The following TAFA2 variants were observed in gnomAD, a reference collection of about 807,000 sequenced individuals.
TAFA2 encodes the protein TAFA chemokine like family member 2.
A neutral mutation model predicts 18.8 loss-of-function variants in TAFA2; 7 were observed. The ratio of observed to expected loss-of-function variants is 0.37; its 90% CI spans 0.21 to 0.70. The LOEUF is 0.70. TAFA2 is among the 30% of genes least tolerant of loss of function. The probability of loss-of-function intolerance (pLI) is 0.53; values close to 1 mark genes in which losing one functional copy is unlikely to be tolerated. For missense variants in TAFA2, 122 were observed against 158.1 expected, an observed-to-expected ratio of 0.77 and a Z score of 1.23; for synonymous variants, 60 against 54.2, an observed-to-expected ratio of 1.11 and a Z score of -0.47.
intron 1 of TAFA2, among the ~76,000 whole-genome samples, chr12:61,910,260 C>T (rs887511063): frequency 6.6e-6 from 1 of 151,916 alleles, no homozygotes; most frequent in Non-Finnish European, 1.5e-5. Flanking sequence ...GAAGGAGATG[C>T]TCTCCCATGT....
Position 61,755,004 on chromosome 12 carries a change from T to C in TAFA2, c.127A>G (p.Thr43Ala). The C allele has an allele frequency of 6.2e-7, 1 of 1,612,790 alleles. No individual in the cohort carries two copies. Among genetic ancestry groups the C allele is most frequent in the Non-Finnish European group, 8.5e-7 (1 of 1,179,272 alleles). ...HHKAHHVKTG[T>A]CEVVALHRCC... ...CTGTGGAGTGCCACCACCTCACAAGTTCCCGTTTTAACATGGTGAGCTGCA... is the reference window on the plus strand; with the variant it reads ...CTGTGGAGTGCCACCACCTCACAAGCTCCCGTTTTAACATGGTGAGCTGCA... Residue 43 changes from threonine (T) to alanine (A), a missense_variant, in exon 3 of 5, where the codon ACT becomes GCT. Physicochemically the swap from Thr to Ala is moderately conservative, Grantham distance 58. Coordinates refer to ENST00000416284, the MANE Select transcript of TAFA2 (RefSeq NM_178539.5).
intron 1 of TAFA2, among the ~76,000 whole-genome samples, chr12:62,018,840 A>G (rs1477299246): frequency 6.6e-6 from 1 of 152,226 alleles, no homozygotes; most frequent in East Asian, 1.9e-4. Flanking sequence ...TCATTAAACT[A>G]AAGAGCTTCT....
At chr12:61,775,005 C>T (rs1870195046) in intron 2 of TAFA2, among the ~76,000 whole-genome samples, 2 of 151,520 alleles carry the variant, frequency 1.3e-5, no homozygotes, top group Admixed American at 1.3e-4. Context: ...AAAAAGGAGC[C>T]AAACCATTTA....
intron 1 of TAFA2, among the ~76,000 whole-genome samples, chr12:61,928,427 A>G (rs929003856): frequency 7.5e-6 from 1 of 133,156 alleles, no homozygotes; most frequent in Non-Finnish European, 1.5e-5. Context: ...GCTCATCATC[A>G]GTGGTCATTA....
intron 1 of TAFA2, among the ~76,000 whole-genome samples, chr12:62,106,681 C>G (rs1385172427): frequency 6.6e-6 from 1 of 152,158 alleles, no homozygotes; most frequent in African/African-American, 2.4e-5. Context: ...TTAGTATACT[C>G]CCCTTTAATT....
chr12:62,045,020 G>A (rs912344096), intron 1 of TAFA2, among the ~76,000 whole-genome samples: 8 of 152,064 alleles, frequency 5.3e-5, no homozygotes, highest in African/African-American at 1.2e-4. Flanking sequence ...TCTTTTTGCA[G>A]GGAAGAACAG....
intron 1 of TAFA2, among the ~76,000 whole-genome samples, chr12:62,006,125 C>G (rs1189696201): frequency 6.6e-6 from 1 of 151,914 alleles, no homozygotes; most frequent in Non-Finnish European, 1.5e-5. Flanking sequence ...TAAAATCTAC[C>G]CTGGTGATGG....
chr12:61,945,274 C>T (rs1292911674), intron 1 of TAFA2, among the ~76,000 whole-genome samples: 1 of 121,590 alleles, frequency 8.2e-6, no homozygotes, highest in East Asian at 2.3e-4. Context: ...GCTAAAAACT[C>T]TCAATAAATT....
At chr12:62,224,971 G>T (rs951094079) in intron 1 of TAFA2, among the ~76,000 whole-genome samples, 2 of 152,142 alleles carry the variant, frequency 1.3e-5, no homozygotes, top group Non-Finnish European at 2.9e-5. Flanking sequence ...CCACACGCCT[G>T]TAATCCCAGC....
At chr12:61,969,416 G>A (rs7981014) in intron 1 of TAFA2, among the ~76,000 whole-genome samples, 37,090 of 151,384 alleles carry the variant, frequency 0.25, 5,273 homozygotes, top group African/African-American at 0.39. Context: ...ATCCTGACTC[G>A]GTTTCTGACC....
intron 4 of TAFA2, among the ~76,000 whole-genome samples, chr12:61,737,019 G>A (rs1176554274): frequency 2.0e-5 from 3 of 151,904 alleles, no homozygotes; most frequent in African/African-American, 7.2e-5. Flanking sequence ...GTGAAAGACT[G>A]ACTATAATAT....
At chr12:61,792,296 T>C (rs1871014190) in intron 2 of TAFA2, among the ~76,000 whole-genome samples, 2 of 151,370 alleles carry the variant, frequency 1.3e-5, no homozygotes, top group African/African-American at 4.8e-5. Flanking sequence ...AAGTTACAAT[T>C]AGAAAGGAAA....
intron 2 of TAFA2, among the ~76,000 whole-genome samples, chr12:61,759,643 A>G (rs1869442832): frequency 6.6e-6 from 1 of 152,066 alleles, no homozygotes; most frequent in Non-Finnish European, 1.5e-5. Context: ...CTACAAGGTA[A>G]TACTTTCACT....
chr12:61,995,276 G>C (rs1392902514), intron 1 of TAFA2, among the ~76,000 whole-genome samples: 1 of 152,038 alleles, frequency 6.6e-6, no homozygotes, highest in Non-Finnish European at 1.5e-5. Context: ...TCCCATATCA[G>C]AGCCTTTACG....
intron 1 of TAFA2, among the ~76,000 whole-genome samples, chr12:62,025,775 T>C (rs970670299): frequency 6.6e-6 from 1 of 152,122 alleles, no homozygotes; most frequent in East Asian, 1.9e-4. Flanking sequence ...ATTAGGACAA[T>C]TCAAATTTTG....
intron 4 of TAFA2, among the ~76,000 whole-genome samples, chr12:61,729,455 A>C (rs975551367): frequency 6.6e-6 from 1 of 151,856 alleles, no homozygotes; most frequent in Non-Finnish European, 1.5e-5. Context: ...GATTGAGTTA[A>C]TTTGAAAGCC....
intron 1 of TAFA2, among the ~76,000 whole-genome samples, chr12:61,956,891 C>A (rs1333685054): frequency 6.6e-6 from 1 of 152,086 alleles, no homozygotes; most frequent in Non-Finnish European, 1.5e-5. Context: ...CCTTTAATTA[C>A]TTGACAGTTA....
chr12:62,065,899 C>A (rs151043684), intron 1 of TAFA2, among the ~76,000 whole-genome samples: 6 of 151,852 alleles, frequency 4.0e-5, no homozygotes, highest in Admixed American at 2.0e-4. Flanking sequence ...CAGAGCCATA[C>A]CACTTTATAA....
chr12:62,181,233 T>C (rs540776634), intron 1 of TAFA2, among the ~76,000 whole-genome samples: 2 of 152,240 alleles, frequency 1.3e-5, no homozygotes, highest in South Asian at 4.2e-4. Flanking sequence ...AATTCTCCCT[T>C]CGGCATTGAA....
Sources: allele counts gnomAD v4.1 joint callset (sites outside exome capture counted in the v4.1 genomes callset), GRCh38; gene constraint gnomAD v4.1.1; transcripts MANE v1.5; gene names NCBI Gene and HGNC (gene_info 2026-07-23, HGNC 2026-07-21).